Variants in CACNA2D3 observed in about 807,000 individuals in gnomAD.
CACNA2D3 encodes the protein voltage-dependent calcium channel subunit alpha-2/delta-3.
A neutral mutation model predicts 160.6 loss-of-function variants in CACNA2D3; 60 were observed. The ratio of observed to expected loss-of-function variants is 0.37; its 90% CI spans 0.30 to 0.46. CACNA2D3 has a LOEUF of 0.46. Among genes scored for constraint, CACNA2D3 ranks in the 20% least tolerant of loss-of-function variants. The pLI, the probability that CACNA2D3 is intolerant of heterozygous loss-of-function variation, is 1.00. For missense variants in CACNA2D3, 1,205 were observed against 1,365.0 expected, an observed-to-expected ratio of 0.88 and a Z score of 1.85; for synonymous variants, 558 against 492.9, an observed-to-expected ratio of 1.13 and a Z score of -1.75.
chr3:54,441,650 C>T (rs1359129362), intron 4 of CACNA2D3, among the ~76,000 whole-genome samples: 3 of 152,178 alleles, frequency 2.0e-5, no homozygotes, highest in Admixed American at 2.0e-4. Flanking sequence ...TTTAATCCAT[C>T]TTGAATTAAT....
chr3:54,918,706 C>T (rs959821854), intron 27 of CACNA2D3: 2 of 1,614,136 alleles, frequency 1.2e-6, no homozygotes, highest in African/African-American at 2.7e-5. Context: ...TTCTCGCTCC[C>T]CCGCGTTGTG....
At chr3:54,139,606 A>G (rs1368733936) in intron 2 of CACNA2D3, among the ~76,000 whole-genome samples, 1 of 152,236 alleles carries the variant, frequency 6.6e-6, no homozygotes, top group African/African-American at 2.4e-5. Flanking sequence ...AAAATATTTG[A>G]CATATGATGA....
At chr3:54,742,546 C>T (rs960728792) in intron 11 of CACNA2D3, among the ~76,000 whole-genome samples, 19 of 152,198 alleles carry the variant, frequency 1.2e-4, no homozygotes, top group African/African-American at 4.6e-4. Flanking sequence ...GTAACCACTG[C>T]TTTGTGCCAA....
chr3:54,610,849 G>C (rs1354724079), intron 9 of CACNA2D3, among the ~76,000 whole-genome samples: 1 of 152,080 alleles, frequency 6.6e-6, no homozygotes, highest in East Asian at 1.9e-4. Flanking sequence ...GGCTGGTCTC[G>C]AACTCCTGAC....
intron 11 of CACNA2D3, among the ~76,000 whole-genome samples, chr3:54,736,333 T>G (rs1025454624): frequency 6.6e-6 from 1 of 151,622 alleles, no homozygotes; most frequent in Non-Finnish European, 1.5e-5. Context: ...CTGTGATACG[T>G]TTAGGTTGTT....
At chr3:54,692,264 C>T (rs1374719428) in intron 11 of CACNA2D3, among the ~76,000 whole-genome samples, 3 of 152,214 alleles carry the variant, frequency 2.0e-5, no homozygotes, top group African/African-American at 7.2e-5. Context: ...ATGTGTGAGC[C>T]ACCACGCCCA....
intron 2 of CACNA2D3, among the ~76,000 whole-genome samples, chr3:54,223,999 A>T (rs1199771864): frequency 3.3e-5 from 5 of 152,142 alleles, no homozygotes; most frequent in African/African-American, 1.2e-4. Flanking sequence ...GCTGTAAAAA[A>T]TATTTTCCTT....
chr3:54,476,057 T>TC (rs889093514), intron 4 of CACNA2D3, among the ~76,000 whole-genome samples: 1 of 150,628 alleles, frequency 6.6e-6, no homozygotes, highest in African/African-American at 2.4e-5. Context: ...TTTTTTTTTT[T>TC]TTTTTTAGAT....
chr3:54,323,427 C>T (rs1399527611), intron 3 of CACNA2D3, among the ~76,000 whole-genome samples: 2 of 151,822 alleles, frequency 1.3e-5, no homozygotes, highest in East Asian at 3.9e-4. Flanking sequence ...GACCCTTCCC[C>T]CTCTTTTCTC....
rs536566430 is a variant in CACNA2D3, at chr3:54,929,471, G to A, written c.2449+29603G>A. ...GGGAAGAGGCCCTTTGTGAATGGAA[G>A]TTGAAAACATCAAATTTTGATTATT... On this transcript the variant is annotated intron_variant, in intron 27 of 37. Coordinates refer to ENST00000474759, the MANE Select transcript of CACNA2D3 (RefSeq NM_018398.3). Among the ~76,000 whole-genome samples, 111 of 152,276 alleles carry A rather than the reference G, an allele frequency of 7.3e-4. 1 individual carries two copies. The highest frequency in any genetic ancestry group is 6.2e-3 in the South Asian group (30 of 4,824).
intron 5 of CACNA2D3, among the ~76,000 whole-genome samples, chr3:54,559,227 C>T (rs1017885345): frequency 6.6e-6 from 1 of 152,152 alleles, no homozygotes; most frequent in Non-Finnish European, 1.5e-5. Flanking sequence ...TTGCTTCAGC[C>T]AGTGTACAGG....
chr3:54,609,577 T>C lies in CACNA2D3; in HGVS notation c.964-18210T>C, dbSNP rs529371962. Among the ~76,000 whole-genome samples the C allele has an allele frequency of 2.6e-5, 4 of 152,298 alleles. No individual in the cohort carries two copies. The East Asian group carries it at 7.7e-4, about 29-fold the overall frequency. On this transcript the variant is annotated intron_variant, in intron 9 of 37. Coordinates refer to ENST00000474759, the MANE Select transcript of CACNA2D3 (RefSeq NM_018398.3). Reference sequence around the variant, plus strand: ...TTTCTCAAAAATGTACTTGAGGAAATAGCAGTTCTATGATGTGATCTTAAC... The same window carrying C: ...TTTCTCAAAAATGTACTTGAGGAAACAGCAGTTCTATGATGTGATCTTAAC...
intron 2 of CACNA2D3, among the ~76,000 whole-genome samples, chr3:54,245,376 C>T (rs563474688): frequency 6.6e-6 from 1 of 151,954 alleles, no homozygotes; most frequent in South Asian, 2.1e-4. Context: ...TGATTATTCC[C>T]TGGGGGACCC....
At chr3:54,877,611 G>C (rs566543652) in intron 18 of CACNA2D3, among the ~76,000 whole-genome samples, 2 of 152,316 alleles carry the variant, frequency 1.3e-5, no homozygotes, top group South Asian at 4.2e-4. Flanking sequence ...TGCTTCACTA[G>C]TAGGTTCAAT....
chr3:54,451,602 G>A (rs372657472), intron 4 of CACNA2D3, among the ~76,000 whole-genome samples: 57 of 152,186 alleles, frequency 3.7e-4, no homozygotes, highest in Non-Finnish European at 7.5e-4. Context: ...GTACAGTTAC[G>A]CTCTTGGTGT....
intron 2 of CACNA2D3, among the ~76,000 whole-genome samples, chr3:54,222,647 G>T (rs931783310): frequency 6.6e-6 from 1 of 152,180 alleles, no homozygotes; most frequent in Non-Finnish European, 1.5e-5. Flanking sequence ...TGACCTTAGG[G>T]TCATTTATAA....
intron 4 of CACNA2D3, among the ~76,000 whole-genome samples, chr3:54,473,744 A>C (rs1417186788): frequency 6.6e-6 from 1 of 152,234 alleles, no homozygotes; most frequent in African/African-American, 2.4e-5. Context: ...GACACTTCTC[A>C]AAAGAAGACA....
At chr3:54,900,464 G>A (rs1700301528) in intron 27 of CACNA2D3, among the ~76,000 whole-genome samples, 1 of 152,186 alleles carries the variant, frequency 6.6e-6, no homozygotes, top group African/African-American at 2.4e-5. Context: ...GCAGCTGTCT[G>A]TGGATGGCTA....
chr3:55,010,925 T>C (rs1703197728), intron 34 of CACNA2D3, among the ~76,000 whole-genome samples: 1 of 152,216 alleles, frequency 6.6e-6, no homozygotes, highest in East Asian at 1.9e-4. Context: ...TAAACATTGT[T>C]CTCTCTTAAC....
Sources: allele counts gnomAD v4.1 joint callset (sites outside exome capture counted in the v4.1 genomes callset), GRCh38; gene constraint gnomAD v4.1.1; transcripts MANE v1.5; gene names NCBI Gene and HGNC (gene_info 2026-07-23, HGNC 2026-07-21).